Variants in PTGER4 observed in about 807,000 individuals in gnomAD.
PTGER4 encodes prostaglandin E2 receptor EP4 subtype.
Under a neutral mutation model 33.2 loss-of-function variants are expected in PTGER4, and 11 were observed. That is an observed-to-expected ratio of 0.33 (90% CI 0.21 to 0.55). The LOEUF (loss-of-function observed/expected upper bound fraction) is 0.55. Among genes scored for constraint, PTGER4 ranks in the 20% least tolerant of loss-of-function variants. The probability of loss-of-function intolerance (pLI) is 0.92; values close to 1 mark genes in which losing one functional copy is unlikely to be tolerated. For missense variants in PTGER4, 481 were observed against 650.2 expected, an observed-to-expected ratio of 0.74 and a Z score of 2.83; for synonymous variants, 275 against 281.5, an observed-to-expected ratio of 0.98 and a Z score of 0.23.
the PTGER4 span, among the ~76,000 whole-genome samples, chr5:40,741,375 G>A: frequency 6.6e-6 from 1 of 152,306 alleles, no homozygotes; most frequent in Non-Finnish European, 1.5e-5. Context: ...CTGAATGGCT[G>A]AAGCTTGAAT....
the PTGER4 span, among the ~76,000 whole-genome samples, chr5:40,738,286 C>T: frequency 2.6e-5 from 4 of 151,500 alleles, no homozygotes; most frequent in Admixed American, 6.6e-5. Flanking sequence ...GAGTGGTGCG[C>T]GCCTGTAATC....
At chr5:40,735,183 T>C in the PTGER4 span, among the ~76,000 whole-genome samples, 3 of 152,212 alleles carry the variant, frequency 2.0e-5, no homozygotes, top group Admixed American at 2.0e-4. Context: ...GTGGATTTAA[T>C]TGTATGTGTG....
the PTGER4 span, among the ~76,000 whole-genome samples, chr5:40,702,239 T>C: frequency 1.3e-5 from 2 of 152,098 alleles, no homozygotes; most frequent in African/African-American, 4.8e-5. Context: ...GCAAGCTGGA[T>C]AAAAAAGCAA....
chr5:40,712,129 T>G, the PTGER4 span, among the ~76,000 whole-genome samples: 1 of 152,166 alleles, frequency 6.6e-6, no homozygotes, highest in African/African-American at 2.4e-5. Context: ...TCATTTCACA[T>G]TCTTCCCTTC....
the PTGER4 span, among the ~76,000 whole-genome samples, chr5:40,723,083 G>A: frequency 6.6e-6 from 1 of 152,180 alleles, no homozygotes; most frequent in Non-Finnish European, 1.5e-5. Context: ...ATTTTGTTCT[G>A]TACTAAGAAA....
chr5:40,738,435 T>A, the PTGER4 span, among the ~76,000 whole-genome samples: 1 of 83,814 alleles, frequency 1.2e-5, no homozygotes, highest in Non-Finnish European at 2.4e-5. Flanking sequence ...TAAAATAAAA[T>A]ATAAAATAAA....
At chr5:40,741,035 C>T in the PTGER4 span, among the ~76,000 whole-genome samples, 1 of 152,074 alleles carries the variant, frequency 6.6e-6, no homozygotes, top group African/African-American at 2.4e-5. Context: ...CCACTACTTC[C>T]ATCATCTATG....
At chr5:40,728,382 A>G in the PTGER4 span, 26 of 1,613,086 alleles carry the variant, frequency 1.6e-5, no homozygotes, top group Non-Finnish European at 2.2e-5. Flanking sequence ...AGCACGTCCC[A>G]AAGTCTGCCA....
In PTGER4 at chr5:40,683,756, G is replaced by A. The variant is rs752698637; in HGVS notation, c.867+1896G>A. On this transcript the variant is annotated intron_variant, in intron 2 of 2. Coordinates refer to ENST00000302472, the MANE Select transcript of PTGER4 (RefSeq NM_000958.3). The surrounding 1 kb of genome is among the most constrained non-coding windows in gnomAD (Gnocchi z 4.2). ...CTCATAGGCTGAAGTGGTAGACCTG[G>A]ACCTAAGATTCAGGGCCCTTACACA... Among the ~76,000 whole-genome samples the A allele has an allele frequency of 1.3e-5, 2 of 152,160 alleles. No individual in the cohort carries two copies. Among genetic ancestry groups the A allele is most frequent in the African/African-American group, 4.8e-5 (2 of 41,438 alleles).
the PTGER4 span, chr5:40,728,612 C>T: frequency 1.4e-6 from 1 of 739,034 alleles, no homozygotes; most frequent in East Asian, 3.0e-5. Flanking sequence ...ACCCCTTACT[C>T]TGCCATTCAG....
At position 40,693,253 on chromosome 5, in the gene PTGER4, AAACAT is replaced by A. The variant is rs1177228124; in HGVS notation, c.*883_*887del. 3.1e-6 allele frequency: 3 copies of A among 982,326 alleles called. No homozygotes were observed. The highest frequency in any genetic ancestry group is 4.7e-5 in the South Asian group (1 of 21,220). 60.9% of individuals were successfully genotyped at this position (982,326 alleles called of 1,614,324 possible). A position where few individuals can be genotyped will look rare whatever the true frequency, so the allele number is the denominator to read the frequency against. On this transcript the variant is annotated 3_prime_UTR_variant, in exon 3 of 3. Transcript: ENST00000302472. Reference sequence around the variant, plus strand: ...TTCCCTCACTAATTGGTACTTTTAAAAACATAACATAAATTTTTTGAAGTCTTTAA... The same window carrying A: ...TTCCCTCACTAATTGGTACTTTTAAAAACATAAATTTTTTGAAGTCTTTAA...
downstream of PTGER4, among the ~76,000 whole-genome samples, chr5:40,698,121 C>CAAAAAAAAAAAAAAAAAAA (rs1339691632): frequency 3.3e-5 from 1 of 30,468 alleles, no homozygotes; most frequent in African/African-American, 9.7e-5. Flanking sequence ...AAAAAAAAAC[C>CAAAAAAAAAAAAAAAAAAA]ATGAAAAATT....
the PTGER4 span, among the ~76,000 whole-genome samples, chr5:40,705,623 T>G: frequency 6.6e-6 from 1 of 151,906 alleles, no homozygotes; most frequent in Non-Finnish European, 1.5e-5. Flanking sequence ...TTAAACAAAT[T>G]TACAAGAGAA....
chr5:40,703,161 G>A, the PTGER4 span, among the ~76,000 whole-genome samples: 1 of 151,710 alleles, frequency 6.6e-6, no homozygotes, highest in Admixed American at 6.6e-5. Flanking sequence ...AAAAATCAGA[G>A]CTGAAAATCA....
chr5:40,725,105 C>T, the PTGER4 span, among the ~76,000 whole-genome samples: 1 of 152,014 alleles, frequency 6.6e-6, no homozygotes, highest in Admixed American at 6.6e-5. Flanking sequence ...ACCTCAGCCT[C>T]CCAACATGCT....
chr5:40,698,680 T>G (rs1741667443), downstream of PTGER4, among the ~76,000 whole-genome samples: 1 of 152,194 alleles, frequency 6.6e-6, no homozygotes, highest in South Asian at 2.1e-4. Flanking sequence ...ATGCATTACT[T>G]TATGATACGA....
Position 40,693,629 on chromosome 5 carries a change from A to C in PTGER4, c.*1251A>C, listed in dbSNP as rs565798424. On this transcript the variant is annotated 3_prime_UTR_variant, in exon 3 of 3. Transcript: ENST00000302472. ...TGTTTTGTTGCTCAGTGTTTTTGTG[A>C]ATTGCTTGGTTGTAATTAAATTCTG... is the stretch of plus-strand genomic sequence containing the variant. 3.0e-6 allele frequency: 3 copies of C among 985,544 alleles called. No homozygotes were observed. In the East Asian group the frequency reaches 3.4e-4, roughly 110 times the overall value. 61.0% of individuals were successfully genotyped at this position (985,544 alleles called of 1,614,324 possible). A position where few individuals can be genotyped will look rare whatever the true frequency, so the allele number is the denominator to read the frequency against.
chr5:40,730,735 G>T, the PTGER4 span, among the ~76,000 whole-genome samples: 1 of 152,024 alleles, frequency 6.6e-6, no homozygotes, highest in Non-Finnish European at 1.5e-5. Flanking sequence ...CAAAATAAAG[G>T]ATTAGCAAAT....
the PTGER4 span, among the ~76,000 whole-genome samples, chr5:40,729,581 A>G: frequency 6.6e-6 from 1 of 152,192 alleles, no homozygotes; most frequent in Admixed American, 6.5e-5. Flanking sequence ...CTAGAACCCA[A>G]TCCATCCTCA....
Sources: allele counts gnomAD v4.1 joint callset (sites outside exome capture counted in the v4.1 genomes callset), GRCh38; gene constraint gnomAD v4.1.1; non-coding constraint Gnocchi (gnomAD v3.1); transcripts MANE v1.5; gene names NCBI Gene and HGNC (gene_info 2026-07-23, HGNC 2026-07-21).